The following IFT88 variants were observed in gnomAD, a reference collection of about 807,000 sequenced individuals.
IFT88 encodes intraflagellar transport protein 88 homolog.
IFT88 carries 74 observed loss-of-function variants against 119.5 expected under a neutral mutation model. The ratio of observed to expected loss-of-function variants is 0.62; its 90% CI spans 0.51 to 0.75. IFT88 has a LOEUF of 0.75. IFT88 is among the 30% of genes least tolerant of loss of function. The pLI, the probability that IFT88 is intolerant of heterozygous loss-of-function variation, is 0.00. For missense variants in IFT88, 961 were observed against 977.7 expected (o/e 0.98, Z 0.23); for synonymous variants, 279 against 316.7 (o/e 0.88, Z 1.26).
chr13:20,625,647 A>T (rs1006647537), intron 14 of IFT88, 103 bp from the exon 15 acceptor site: 3 of 706,294 alleles, frequency 4.2e-6, no homozygotes, highest in Admixed American at 2.9e-5. Context: ...ACAGAGTACT[A>T]GGGACCCTTT....
intron 20 of IFT88, among the ~76,000 whole-genome samples, chr13:20,652,653 A>G (rs1298801027): frequency 6.6e-6 from 1 of 152,116 alleles, no homozygotes; most frequent in East Asian, 1.9e-4. Context: ...GATTGTATTC[A>G]TTTAAAGTTC....
At chr13:20,672,120 G>T (rs2055974360) in intron 24 of IFT88, among the ~76,000 whole-genome samples, 1 of 152,130 alleles carries the variant, frequency 6.6e-6, no homozygotes, top group African/African-American at 2.4e-5. Context: ...CTTTCCTAGG[G>T]ATAGAAACTG....
intron 24 of IFT88, among the ~76,000 whole-genome samples, chr13:20,687,346 C>T (rs1474787549): frequency 6.6e-6 from 1 of 152,114 alleles, no homozygotes; most frequent in Non-Finnish European, 1.5e-5. Context: ...AGCCAAACTG[C>T]TGAGCTTGGA....
intron 22 of IFT88, among the ~76,000 whole-genome samples, chr13:20,658,673 G>T (rs2053281717): frequency 1.3e-5 from 2 of 152,172 alleles, no homozygotes; most frequent in African/African-American, 2.4e-5. Context: ...CCATCCAGGG[G>T]ATTATGGAAT....
Position 20,596,150 on chromosome 13 carries a change from C to T in IFT88, c.399C>T (p.Ser133=). The change falls in exon 8 of 26, where the codon AGC becomes AGT. Residue 133 remains serine, a splice_region_variant and synonymous_variant. Coordinates refer to ENST00000351808, the MANE Select transcript of IFT88 (RefSeq NM_006531.5). The part of the protein sequence containing the change: ...ASPLEAKKKD[S]PEEKIKQLEK... ...TTGTACCTGCTTTTGTCTTTAATAG[C>T]CCAGAGGAAAAAATAAAGCAATTAG... 1 of 1,419,940 alleles carries T rather than the reference C, an allele frequency of 7.0e-7. No individual in the cohort carries two copies. Among genetic ancestry groups the T allele is most frequent in the Non-Finnish European group, 9.6e-7 (1 of 1,040,714 alleles). The allele number at this position is 1,419,940 out of a possible 1,614,324, so 88.0% of individuals were successfully genotyped here. A position where few individuals can be genotyped will look rare whatever the true frequency, so the allele number is the denominator to read the frequency against.
chr13:20,584,221 G>A (rs1017588684), intron 3 of IFT88, among the ~76,000 whole-genome samples: 4 of 151,770 alleles, frequency 2.6e-5, no homozygotes, highest in African/African-American at 9.7e-5. Context: ...ACACTGGGTG[G>A]TATGGACATC....
intron 8 of IFT88, among the ~76,000 whole-genome samples, chr13:20,596,632 TA>T (rs2041691656): frequency 6.6e-6 from 1 of 152,216 alleles, no homozygotes; most frequent in African/African-American, 2.4e-5. Context: ...CTAAGTAAAC[TA>T]AAAAATTAGT....
At position 20,604,849 on chromosome 13, in the gene IFT88, G is replaced by C. The variant is rs1314885339; in HGVS notation, c.1042-186G>C. Among the ~76,000 whole-genome samples the C allele has an allele frequency of 4.6e-5, 7 of 152,130 alleles. No homozygotes were observed. In the East Asian group the frequency reaches 1.4e-3, roughly 29 times the overall value. On this transcript the variant is annotated intron_variant, in intron 12 of 25. Coordinates refer to ENST00000351808, the MANE Select transcript of IFT88 (RefSeq NM_006531.5). ...ATGCCCCTGTAGTCCCAGCTACTTG[G>C]GAGGCTGAGGTGGGAGGATCACCTG...
intron 2 of IFT88, among the ~76,000 whole-genome samples, chr13:20,575,850 T>C (rs1395461742): frequency 6.6e-6 from 1 of 152,246 alleles, no homozygotes; most frequent in Non-Finnish European, 1.5e-5. Context: ...AACGGCCTGG[T>C]ACATACTGAT....
In IFT88 at chr13:20,631,101, T is replaced by C; in HGVS notation, c.1385T>C (p.Met462Thr). Residue 462 changes from methionine (M) to threonine (T), a missense_variant and splice_region_variant, in exon 16 of 26, where the codon ATG (methionine) becomes ACG (threonine). By Grantham distance (81) the Met-to-Thr change is moderately conservative. Transcript: ENST00000351808. ...ACCAATCTCTCAGCCCTGTATTATATGGTAAGTTTTTTTACTACTAAGAGT... is the reference window on the plus strand; with the variant it reads ...ACCAATCTCTCAGCCCTGTATTATACGGTAAGTTTTTTTACTACTAAGAGT... ...AATNLSALYY[M>T]GKDFAQASSY... is the part of the protein sequence containing the mutation. The C allele has an allele frequency of 6.3e-7, 1 of 1,586,358 alleles. No homozygotes were observed. The highest frequency in any genetic ancestry group is 8.7e-7 in the Non-Finnish European group (1 of 1,154,588).
intron 3 of IFT88, among the ~76,000 whole-genome samples, chr13:20,586,993 G>A (rs897265625): frequency 6.6e-6 from 1 of 151,458 alleles, no homozygotes; most frequent in South Asian, 2.1e-4. Flanking sequence ...TTTGACCTGT[G>A]GGTTATTTAG....
chr13:20,666,101 G>C (rs2140902887), intron 23 of IFT88, among the ~76,000 whole-genome samples: 1 of 152,282 alleles, frequency 6.6e-6, no homozygotes, highest in East Asian at 1.9e-4. Context: ...CCAATTCTTA[G>C]GAAGTAAATG....
chr13:20,635,505 G>A (rs375000482), intron 16 of IFT88, among the ~76,000 whole-genome samples: 2 of 152,214 alleles, frequency 1.3e-5, no homozygotes, highest in Admixed American at 1.3e-4. Context: ...AATATTCCTT[G>A]ATTAGGGCCC....
Position 20,673,121 on chromosome 13 carries a change from G to A in IFT88, c.2242+2082G>A, listed in dbSNP as rs1394999731. ...TATTAAGTATTAAAATTCTAGGGCC[G>A]GATTCACCATCCCCTAAGGATTCTG... On this transcript the variant is annotated intron_variant, in intron 24 of 25. Coordinates refer to ENST00000351808, the MANE Select transcript of IFT88 (RefSeq NM_006531.5). 2.6e-5 allele frequency among the ~76,000 whole-genome samples: 4 copies of A among 152,114 alleles called. No individual in the cohort carries two copies. In the South Asian group the frequency reaches 8.3e-4, roughly 32 times the overall value.
At chr13:20,611,086 C>T (rs1468442671) in intron 13 of IFT88, among the ~76,000 whole-genome samples, 1 of 148,590 alleles carries the variant, frequency 6.7e-6, no homozygotes, top group Non-Finnish European at 1.5e-5. Context: ...AGTGAGACCC[C>T]ATCTCAAATA....
intron 14 of IFT88, among the ~76,000 whole-genome samples, chr13:20,622,453 A>T (rs1220949570): frequency 3.9e-5 from 6 of 152,214 alleles, no homozygotes; most frequent in Admixed American, 3.9e-4. Context: ...TTAGCAATAG[A>T]TGAGAATTTC....
At chr13:20,638,927 TG>T (rs1340640973) in intron 17 of IFT88, among the ~76,000 whole-genome samples, 2 of 152,228 alleles carry the variant, frequency 1.3e-5, no homozygotes, top group Non-Finnish European at 2.9e-5. Flanking sequence ...TAAGTACCCA[TG>T]TACCTATCAC....
chr13:20,592,493 G>A, intron 7 of IFT88, 89 bp downstream of exon 7: 1 of 941,484 alleles, frequency 1.1e-6, no homozygotes, highest in Non-Finnish European at 1.6e-6. Context: ...TTTTTGAGAT[G>A]ATATCTCACT....
At chr13:20,568,752 C>T (rs1323531214) in intron 1 of IFT88, among the ~76,000 whole-genome samples, 1 of 152,106 alleles carries the variant, frequency 6.6e-6, no homozygotes, top group East Asian at 1.9e-4. Flanking sequence ...GAGTCGCACG[C>T]TCTGTTGCCC....
Sources: allele counts gnomAD v4.1 joint callset (sites outside exome capture counted in the v4.1 genomes callset), GRCh38; gene constraint gnomAD v4.1.1; transcripts MANE v1.5; gene names NCBI Gene and HGNC (gene_info 2026-07-23, HGNC 2026-07-21).